Variants in SLC14A1 observed in about 807,000 individuals in gnomAD.
The protein encoded by SLC14A1 is solute carrier family 14 member 1 (Kidd blood group).
A neutral mutation model predicts 39.6 loss-of-function variants in SLC14A1; 36 were observed. That is an observed-to-expected ratio of 0.91 (90% CI 0.70 to 1.20). SLC14A1 has a LOEUF of 1.20. Among genes scored for constraint, SLC14A1 ranks in the 50% most tolerant of loss-of-function variants. SLC14A1 has a pLI of 0.00. For synonymous variants in SLC14A1, 164 were observed against 173.6 expected, an observed-to-expected ratio of 0.94 and a Z score of 0.43; for missense variants, 469 against 478.7, an observed-to-expected ratio of 0.98 and a Z score of 0.19.
chr18:45,725,653 G>A (rs536882427), intron 2 of SLC14A1, among the ~76,000 whole-genome samples: 3 of 152,256 alleles, frequency 2.0e-5, no homozygotes, highest in South Asian at 2.1e-4. Flanking sequence ...GACTTGAACC[G>A]AACCTTGGGT....
chr18:45,734,275 T>C lies in SLC14A1; in HGVS notation c.343T>C (p.Ser115Pro), dbSNP rs754797005. The C allele has an allele frequency of 2.5e-6, 4 of 1,613,984 alleles. No homozygotes were observed. Among genetic ancestry groups the C allele is most frequent in the Non-Finnish European group, 1.7e-6 (2 of 1,179,930 alleles). Residue 115 changes from serine (S) to proline (P), a missense_variant and splice_region_variant, in exon 5 of 10, where the codon TCA (serine) becomes CCA (proline). By Grantham distance (74) the Ser-to-Pro change is moderately conservative. Transcript: ENST00000321925. ...CGTGCTGTGTCTCTTGCCCCACAGG[T>C]CATTAATAGCATCTGGGCTCTATGG... ...LMALLLSQDR[S>P]LIASGLYGYN...
chr18:45,747,732 A>G (rs998942888), intron 8 of SLC14A1, among the ~76,000 whole-genome samples: 1 of 152,184 alleles, frequency 6.6e-6, no homozygotes, highest in African/African-American at 2.4e-5. Context: ...ACGTTTATTC[A>G]TTGATTTTAA....
In SLC14A1 at chr18:45,751,846, C is replaced by T. The variant is rs1305775411; in HGVS notation, c.*1895C>T. 1 of 983,268 alleles carries T rather than the reference C, an allele frequency of 1.0e-6. No homozygotes were observed. 60.9% of individuals were successfully genotyped at this position (983,268 alleles called of 1,614,324 possible). A position where few individuals can be genotyped will look rare whatever the true frequency, so the allele number is the denominator to read the frequency against. On this transcript the variant is annotated 3_prime_UTR_variant, in exon 10 of 10. Transcript: ENST00000321925. ...GGAAGTCATGTTCATTTACTTTCCACTTCAGTGTGTATCGTGTAGTATTTT... is the reference window on the plus strand; with the variant it reads ...GGAAGTCATGTTCATTTACTTTCCATTTCAGTGTGTATCGTGTAGTATTTT...
At chr18:45,738,525 C>T (rs1203052003) in intron 6 of SLC14A1, among the ~76,000 whole-genome samples, 1 of 152,198 alleles carries the variant, frequency 6.6e-6, no homozygotes, top group Admixed American at 6.5e-5. Context: ...TTGAGACCTG[C>T]TTGACAGTTG....
intron 5 of SLC14A1, 90 bp from the exon 6 acceptor site, chr18:45,736,366 A>G: frequency 1.6e-6 from 2 of 1,264,796 alleles, no homozygotes; most frequent in South Asian, 2.4e-5. Flanking sequence ...GCCTGTTGGC[A>G]GGTGAAACAA....
rs145336330 is a variant in SLC14A1, at chr18:45,739,675, C to T, written c.946+13C>T. ...GCTCTTGGCTGTGGTGAGTCTCCCA[C>T]GCCCCTGGGGGAGGGCTGCTCATGA... is the stretch of plus-strand genomic sequence containing the variant. On this transcript the variant is annotated intron_variant, in intron 8 of 9. Transcript: ENST00000321925. 1.2e-4 allele frequency: 200 copies of T among 1,614,104 alleles called. No individual in the cohort carries two copies. The highest frequency in any genetic ancestry group is 1.2e-3 in the East Asian group (54 of 44,866).
At chr18:45,730,269 G>T in intron 2 of SLC14A1, 31 bp from the exon 3 acceptor site, 2 of 1,597,290 alleles carry the variant, frequency 1.3e-6, no homozygotes, top group South Asian at 2.2e-5. Context: ...TCTGCCTTAG[G>T]GATACTTATA....
intron 2 of SLC14A1, chr18:45,726,650 A>T (rs1019693664): frequency 1.3e-5 from 2 of 152,224 alleles, no homozygotes; most frequent in Non-Finnish European, 2.9e-5. Context: ...AAAATAAATT[A>T]AAATAAACAC....
chr18:45,727,554 A>G (rs2046907615), intron 2 of SLC14A1: 2 of 1,082,668 alleles, frequency 1.8e-6, no homozygotes, highest in South Asian at 3.4e-5. Context: ...ATCTTGGTCC[A>G]AAAAGCCCCA....
intron 5 of SLC14A1, among the ~76,000 whole-genome samples, chr18:45,734,955 G>C (rs745866918): frequency 6.6e-6 from 1 of 152,184 alleles, no homozygotes; most frequent in Non-Finnish European, 1.5e-5. Flanking sequence ...CCTTTTGTCT[G>C]ATCTGGCTAC....
At chr18:45,730,025 C>T (rs2046982483) in intron 2 of SLC14A1, 1 of 324,060 alleles carries the variant, frequency 3.1e-6, no homozygotes, top group African/African-American at 2.1e-5. Context: ...GCAAGAAATA[C>T]ACGCTTAGTA....
chr18:45,752,391 A>G lies in SLC14A1; in HGVS notation c.*2440A>G. The G allele has an allele frequency of 3.9e-6, 1 of 257,800 alleles. No homozygotes were observed. The highest frequency in any genetic ancestry group is 6.1e-6 in the Non-Finnish European group (1 of 164,572). The allele number at this position is 257,800 out of a possible 1,614,324, so 16.0% of individuals were successfully genotyped here. A position where few individuals can be genotyped will look rare whatever the true frequency, so the allele number is the denominator to read the frequency against. Reference sequence around the variant, plus strand: ...TACATTGTCGAATTTAAATGATATTAATTTTCTCAAGCTATTTTTGTTACT... The same window carrying G: ...TACATTGTCGAATTTAAATGATATTGATTTTCTCAAGCTATTTTTGTTACT... On this transcript the variant is annotated 3_prime_UTR_variant, in exon 10 of 10. Transcript: ENST00000321925.
Position 45,751,359 on chromosome 18 carries a change from A to AC in SLC14A1, c.*1408_*1409insC. On this transcript the variant is annotated 3_prime_UTR_variant, in exon 10 of 10. Coordinates refer to ENST00000321925, the MANE Select transcript of SLC14A1 (RefSeq NM_015865.7). Reference sequence around the variant, plus strand: ...GTGTCTCTCAAAAAAAAAAAAAAACAAACAAAAACAAAAACAAAACAAAAC... The same window carrying AC: ...GTGTCTCTCAAAAAAAAAAAAAAACACAACAAAAACAAAAACAAAACAAAAC... 1 of 817,930 alleles carries AC rather than the reference A, an allele frequency of 1.2e-6. No individual in the cohort carries two copies. The highest frequency in any genetic ancestry group is 3.4e-5 in the African/African-American group (1 of 29,556). The allele number at this position is 817,930 out of a possible 1,614,324, so 50.7% of individuals were successfully genotyped here. A position where few individuals can be genotyped will look rare whatever the true frequency, so the allele number is the denominator to read the frequency against.
chr18:45,732,953 A>G (rs1481754742), intron 4 of SLC14A1, among the ~76,000 whole-genome samples: 1 of 152,238 alleles, frequency 6.6e-6, no homozygotes, highest in Non-Finnish European at 1.5e-5. Context: ...CCTTTGCAGC[A>G]GCATGGATGT....
intron 6 of SLC14A1, among the ~76,000 whole-genome samples, chr18:45,738,470 T>C (rs1049955350): frequency 1.3e-5 from 2 of 152,262 alleles, no homozygotes; most frequent in Non-Finnish European, 2.9e-5. Context: ...AATTCAGGCC[T>C]CAGCCAGAAA....
intron 4 of SLC14A1, among the ~76,000 whole-genome samples, chr18:45,733,582 G>C (rs2047094362): frequency 1.3e-5 from 2 of 152,158 alleles, no homozygotes; most frequent in Admixed American, 1.3e-4. Context: ...CTTCAAGTCA[G>C]AGGCTCTTGA....
intron 6 of SLC14A1, among the ~76,000 whole-genome samples, chr18:45,737,297 T>C (rs777356393): frequency 2.0e-5 from 3 of 152,244 alleles, no homozygotes; most frequent in Admixed American, 1.3e-4. Flanking sequence ...GTGAATCCTA[T>C]GTATCTCTTT....
Position 45,752,274 on chromosome 18 carries a change from G to T in SLC14A1, c.*2323G>T, listed in dbSNP as rs542237646. ...TAGGCTGTGGCTGAGAGAACCAGAG[G>T]CCTCTAAAATGGACCCGAGTCGATC... On this transcript the variant is annotated 3_prime_UTR_variant, in exon 10 of 10. Coordinates refer to ENST00000321925, the MANE Select transcript of SLC14A1 (RefSeq NM_015865.7). The T allele has an allele frequency of 5.1e-6, 5 of 983,940 alleles. No individual in the cohort carries two copies. The highest frequency in any genetic ancestry group is 9.4e-5 in the South Asian group (2 of 21,256). The allele number at this position is 983,940 out of a possible 1,614,324, so 61.0% of individuals were successfully genotyped here.
intron 6 of SLC14A1, among the ~76,000 whole-genome samples, chr18:45,738,229 T>C (rs1304253190): frequency 6.6e-6 from 1 of 152,192 alleles, no homozygotes; most frequent in Non-Finnish European, 1.5e-5. Flanking sequence ...GTAGAGTCAC[T>C]GCCTCCAGAA....
Sources: gnomAD v4.1 joint callset for allele counts (sites outside exome capture counted in the v4.1 genomes callset) on GRCh38, gnomAD v4.1.1 for gene constraint, MANE v1.5 for transcripts, NCBI Gene and HGNC (gene_info 2026-07-23, HGNC 2026-07-21) for gene names.